The following AACS variants were observed in gnomAD, a reference collection of about 807,000 sequenced individuals.
AACS encodes acetoacetate-CoA ligase.
Under a neutral mutation model 83.1 loss-of-function variants are expected in AACS, and 69 were observed. The ratio of observed to expected loss-of-function variants is 0.83; its 90% CI spans 0.68 to 1.01. The LOEUF is 1.01. AACS is among the 50% of genes least tolerant of loss of function. The probability of loss-of-function intolerance (pLI) is 0.00; values close to 1 mark genes in which losing one functional copy is unlikely to be tolerated. For synonymous variants in AACS, 333 were observed against 343.4 expected, an observed-to-expected ratio of 0.97 and a Z score of 0.33; for missense variants, 866 against 882.2, an observed-to-expected ratio of 0.98 and a Z score of 0.23.
chr12:125,083,690 G>A (rs1594587282), intron 3 of AACS, among the ~76,000 whole-genome samples: 1 of 152,192 alleles, frequency 6.6e-6, no homozygotes, highest in East Asian at 1.9e-4. Flanking sequence ...GTCTCACTCG[G>A]TCGCCGAGGC....
Position 125,142,308 on chromosome 12 carries a change from C to T in AACS, c.*79C>T. ...TGTGCTCAAGAAATTATACAGAAACCTACAGCTGTTGTAAAAGGATGCTCG... is the reference window on the plus strand; with the variant it reads ...TGTGCTCAAGAAATTATACAGAAACTTACAGCTGTTGTAAAAGGATGCTCG... On this transcript the variant is annotated 3_prime_UTR_variant, in exon 18 of 18. Coordinates refer to ENST00000316519, the MANE Select transcript of AACS (RefSeq NM_023928.5). 3 of 1,562,772 alleles carry T rather than the reference C, an allele frequency of 1.9e-6. No homozygotes were observed. The highest frequency in any genetic ancestry group is 1.7e-6 in the Non-Finnish European group (2 of 1,148,612).
Position 125,129,347 on chromosome 12 carries a change from G to A in AACS, c.1436G>A (p.Trp479Ter). The change falls in exon 14 of 18, where the codon TGG becomes TAG. Residue 479 changes from tryptophan to a stop codon, truncating the protein, a stop_gained. Coordinates refer to ENST00000316519, the MANE Select transcript of AACS (RefSeq NM_023928.5). LOFTEE classifies it high-confidence loss of function. The surrounding 1 kb of genome is among the most constrained non-coding windows in gnomAD (Gnocchi z 4.3). Reference protein sequence around the residue: ...EAWNEEGKAVWGESGELVCTK... With the variant: ...EAWNEEGKAV ...TCTCCCATACCAGGAAAGGCGGTCT[G>A]GGGAGAGAGCGGCGAGCTGGTGTGT... The A allele has an allele frequency of 3.7e-6, 6 of 1,613,374 alleles. No individual in the cohort carries two copies. The highest frequency in any genetic ancestry group is 5.1e-6 in the Non-Finnish European group (6 of 1,179,810).
intron 3 of AACS, among the ~76,000 whole-genome samples, chr12:125,077,039 C>G (rs1956041808): frequency 6.6e-6 from 1 of 150,698 alleles, no homozygotes; most frequent in Admixed American, 6.6e-5. Context: ...TCCTGAGTAG[C>G]TGGGACTATA....
chr12:125,123,769 G>C (rs1313218259), intron 10 of AACS: 1 of 152,240 alleles, frequency 6.6e-6, no homozygotes, highest in East Asian at 1.9e-4. Context: ...GCCCCGAAGA[G>C]AATAACGTTC....
chr12:125,111,107 G>C (rs1203800558), intron 8 of AACS, among the ~76,000 whole-genome samples: 2 of 152,214 alleles, frequency 1.3e-5, no homozygotes, highest in Admixed American at 1.3e-4. Flanking sequence ...TGGCTCAACG[G>C]AGTTGCCTCT....
chr12:125,119,670 A>G (rs1488885677), intron 10 of AACS, among the ~76,000 whole-genome samples: 7 of 152,228 alleles, frequency 4.6e-5, no homozygotes, highest in African/African-American at 1.2e-4. Flanking sequence ...CCATGATTCA[A>G]TTACCTCCCA....
chr12:125,102,850 A>G, intron 6 of AACS, 57 bp downstream of exon 6: 1 of 1,536,158 alleles, frequency 6.5e-7, no homozygotes, highest in South Asian at 1.1e-5. Context: ...TGGGTACATA[A>G]GAGTCTGCCA....
chr12:125,068,994 C>G (rs951121253), intron 1 of AACS, among the ~76,000 whole-genome samples: 2 of 152,092 alleles, frequency 1.3e-5, no homozygotes, highest in African/African-American at 4.8e-5. Context: ...CATGCAACAC[C>G]AAGCCCGGCT....
chr12:125,083,715 A>G (rs1030833293), intron 3 of AACS, among the ~76,000 whole-genome samples: 5 of 152,076 alleles, frequency 3.3e-5, no homozygotes, highest in Admixed American at 2.0e-4. Context: ...GTGCAGTAGC[A>G]CCATGTTGAC....
chr12:125,136,392 C>T (rs1320730905), intron 16 of AACS, among the ~76,000 whole-genome samples: 1 of 152,126 alleles, frequency 6.6e-6, no homozygotes, highest in Admixed American at 6.5e-5. Context: ...GTAAGGCCCA[C>T]ACCTGGCTTC....
intron 4 of AACS, among the ~76,000 whole-genome samples, chr12:125,088,292 C>T (rs1174715149): frequency 2.0e-5 from 3 of 148,014 alleles, no homozygotes; most frequent in Non-Finnish European, 4.4e-5. Flanking sequence ...ACTGCAGTGG[C>T]GTGATCATGG....
At chr12:125,118,458 CTGTGTGATCCATTCTTAGA>C (rs1957095988) in intron 9 of AACS, 164 bp from the exon 10 acceptor site, 1 of 692,354 alleles carries the variant, frequency 1.4e-6, no homozygotes, top group Admixed American at 3.0e-5. Flanking sequence ...GTGAATATGT[CTGTGTGATCCATTCTTAGA>C]TGTGGAGTTG....
rs368114713 is a variant in AACS, at chr12:125,114,462, G to A, written c.916-15G>A. Reference sequence around the variant, plus strand: ...CCTAACAGAGAGCACCCGCTCCCCCGTGTCTCCCCTGCAGGGCACCCTCAT... The same window carrying A: ...CCTAACAGAGAGCACCCGCTCCCCCATGTCTCCCCTGCAGGGCACCCTCAT... On this transcript the variant is annotated splice_polypyrimidine_tract_variant and intron_variant, in intron 8 of 17. Transcript: ENST00000316519. 4.2e-5 allele frequency: 68 copies of A among 1,611,282 alleles called. No individual in the cohort carries two copies. Among genetic ancestry groups the A allele is most frequent in the Admixed American group, 2.3e-4 (14 of 59,828 alleles).
At chr12:125,095,285 T>C (rs542048624) in intron 5 of AACS, among the ~76,000 whole-genome samples, 200 of 152,268 alleles carry the variant, frequency 1.3e-3, no homozygotes, top group African/African-American at 4.7e-3. Flanking sequence ...TTCAGCTGTG[T>C]CAGAGGACCC....
chr12:125,124,001 A>G (rs1243577862), intron 10 of AACS: 3 of 152,242 alleles, frequency 2.0e-5, no homozygotes, highest in African/African-American at 7.2e-5. Flanking sequence ...CTTGTTTAAG[A>G]AAAGGGGATG....
chr12:125,087,360 C>G (rs1057296166), intron 4 of AACS, among the ~76,000 whole-genome samples: 1 of 152,236 alleles, frequency 6.6e-6, no homozygotes, highest in Non-Finnish European at 1.5e-5. Flanking sequence ...ATTTTTCTTA[C>G]AATTTTCCTT....
intron 17 of AACS, 62 bp downstream of exon 17, chr12:125,136,926 G>GCCCT (rs1957410213): frequency 6.4e-7 from 1 of 1,558,054 alleles, no homozygotes; most frequent in Non-Finnish European, 8.8e-7. Flanking sequence ...CACACATTGA[G>GCCCT]GGGCGCTTAC....
At position 125,107,302 on chromosome 12, in the gene AACS, T is replaced by A. The variant is rs1592980265; in HGVS notation, c.915+34T>A. ...CTGGGGAAGGCTCTGCAGGGCCTCC[T>A]GTTGTCTGTTTGCTTCAACAGGGCC... On this transcript the variant is annotated intron_variant, in intron 8 of 17. Coordinates refer to ENST00000316519, the MANE Select transcript of AACS (RefSeq NM_023928.5). The A allele has an allele frequency of 3.1e-6, 5 of 1,604,774 alleles. No individual in the cohort carries two copies. In the East Asian group the frequency reaches 1.1e-4, roughly 36 times the overall value.
At chr12:125,112,612 G>A (rs1335515937) in intron 8 of AACS, among the ~76,000 whole-genome samples, 1 of 146,968 alleles carries the variant, frequency 6.8e-6, no homozygotes, top group Non-Finnish European at 1.5e-5. Flanking sequence ...CCCAGGAGGT[G>A]GAGGTTGCAG....
Sources: allele counts gnomAD v4.1 joint callset (sites outside exome capture counted in the v4.1 genomes callset), GRCh38; gene constraint gnomAD v4.1.1; non-coding constraint Gnocchi (gnomAD v3.1); transcripts MANE v1.5; gene names NCBI Gene and HGNC (gene_info 2026-07-23, HGNC 2026-07-21).